The following DCDC1 variants were observed in gnomAD, a reference collection of about 807,000 sequenced individuals.
The protein encoded by DCDC1 is doublecortin domain-containing protein 1.
DCDC1 carries 200 observed loss-of-function variants against 178.3 expected under a neutral mutation model. The observed-to-expected ratio is 1.12, with a 90% confidence interval of 1.00 to 1.26. The LOEUF is 1.26. DCDC1 is among the 50% of genes most tolerant of loss of function. DCDC1 has a pLI of 0.00. For synonymous variants in DCDC1, 690 were observed against 604.8 expected, an observed-to-expected ratio of 1.14 and a Z score of -2.07; for missense variants, 1,983 against 1,749.2, an observed-to-expected ratio of 1.13 and a Z score of -2.38.
At chr11:30,917,882 C>T (rs578217135) in intron 25 of DCDC1, among the ~76,000 whole-genome samples, 2 of 152,226 alleles carry the variant, frequency 1.3e-5, no homozygotes, top group East Asian at 3.9e-4. Context: ...ATTAAATTAC[C>T]AAAATCTTCA....
intron 15 of DCDC1, 147 bp downstream of exon 15, chr11:31,102,030 T>C: frequency 2.3e-6 from 1 of 433,046 alleles, no homozygotes; most frequent in East Asian, 3.3e-5. Flanking sequence ...TGAGCCGAGA[T>C]GGCACCACTG....
chr11:31,092,946 T>C (rs1207665685), intron 16 of DCDC1, among the ~76,000 whole-genome samples: 1 of 152,240 alleles, frequency 6.6e-6, no homozygotes, highest in Non-Finnish European at 1.5e-5. Flanking sequence ...TCTTCTGCTA[T>C]TACTAACCTC....
intron 11 of DCDC1, among the ~76,000 whole-genome samples, chr11:31,119,773 A>C (rs1960527490): frequency 6.6e-6 from 1 of 152,188 alleles, no homozygotes; most frequent in African/African-American, 2.4e-5. Flanking sequence ...TATTCAATGC[A>C]CAGGAAAGTC....
chr11:31,307,761 T>C lies in DCDC1; in HGVS notation c.312A>G (p.Ser104=). 1.2e-6 allele frequency: 2 copies of C among 1,614,168 alleles called. No individual in the cohort carries two copies. The highest frequency in any genetic ancestry group is 1.7e-6 in the Non-Finnish European group (2 of 1,180,010). ...LQDCSTHQTA[S]DHSHDEISDL... is the part of the protein sequence containing the mutation. Reference sequence around the variant, plus strand: ...CTGATATTTCATCATGGCTGTGATCTGATGCTGTTTGATGTGTGGAGCAAT... The same window carrying C: ...CTGATATTTCATCATGGCTGTGATCCGATGCTGTTTGATGTGTGGAGCAAT... Residue 104 remains serine (S), a synonymous_variant, in exon 4 of 39, where the codon TCA becomes TCG. Coordinates refer to ENST00000684477, the MANE Select transcript of DCDC1 (RefSeq NM_001387274.1).
intron 21 of DCDC1, among the ~76,000 whole-genome samples, chr11:30,935,790 G>C (rs1370162808): frequency 1.3e-5 from 2 of 152,152 alleles, no homozygotes; most frequent in African/African-American, 4.8e-5. Context: ...CTGACCTCGT[G>C]ATCCGCCCGC....
intron 15 of DCDC1, among the ~76,000 whole-genome samples, chr11:31,100,316 A>G (rs538416517): frequency 6.6e-6 from 1 of 152,348 alleles, no homozygotes; most frequent in South Asian, 2.1e-4. Context: ...CATTTGCCCT[A>G]CATTCAAGAC....
chr11:31,114,838 G>GAGT lies in DCDC1; in HGVS notation c.1486-4480_1486-4478dup, dbSNP rs545184486. Among the ~76,000 whole-genome samples the GAGT allele has an allele frequency of 6.6e-4, 100 of 152,284 alleles. 4 individuals carry two copies. The South Asian group carries it at 0.019, about 29-fold the overall frequency. Reference sequence around the variant, plus strand: ...AAGGATCATTATGGCTGCTGCCTTGGAGTAGACTGTAGGAGGCAAAGGCAA... The same window carrying GAGT: ...AAGGATCATTATGGCTGCTGCCTTGGAGTAGTAGACTGTAGGAGGCAAAGGCAA... On this transcript the variant is annotated intron_variant, in intron 11 of 38. Transcript: ENST00000684477.
chr11:30,888,060 A>AAGAGAG (rs59618526), intron 36 of DCDC1, among the ~76,000 whole-genome samples: 1 of 73,456 alleles, frequency 1.4e-5, no homozygotes, highest in African/African-American at 6.8e-5. Flanking sequence ...GAAAGAAAGA[A>AAGAGAG]AGAGAGAGAG....
At chr11:31,050,396 A>T (rs1286990419) in intron 20 of DCDC1, among the ~76,000 whole-genome samples, 1 of 151,938 alleles carries the variant, frequency 6.6e-6, no homozygotes, top group Non-Finnish European at 1.5e-5. Context: ...CCCTGCCCCC[A>T]CCTGATGGTC....
intron 6 of DCDC1, among the ~76,000 whole-genome samples, chr11:31,297,349 T>C (rs1342627551): frequency 6.9e-6 from 1 of 145,586 alleles, no homozygotes; most frequent in East Asian, 2.0e-4. Flanking sequence ...TAGGAAAACA[T>C]ACTAGCCATT....
At chr11:31,231,425 A>T (rs1975764593) in intron 9 of DCDC1, among the ~76,000 whole-genome samples, 1 of 152,186 alleles carries the variant, frequency 6.6e-6, no homozygotes, top group African/African-American at 2.4e-5. Context: ...GTGATATGCC[A>T]GAATAGACTC....
intron 6 of DCDC1, among the ~76,000 whole-genome samples, chr11:31,301,761 T>C (rs1948133179): frequency 6.6e-6 from 1 of 152,214 alleles, no homozygotes; most frequent in Admixed American, 6.5e-5. Flanking sequence ...CTGACACTTC[T>C]ACATGAAAAG....
chr11:31,261,146 C>A (rs1365258735), intron 8 of DCDC1, among the ~76,000 whole-genome samples: 9 of 152,064 alleles, frequency 5.9e-5, no homozygotes, highest in Non-Finnish European at 7.4e-5. Flanking sequence ...AAAGGAAGCC[C>A]CACTGGCCCA....
At position 31,094,180 on chromosome 11, in the gene DCDC1, T is replaced by G; in HGVS notation, c.1988A>C (p.Asp663Ala). 1 of 766,124 alleles carries G rather than the reference T, an allele frequency of 1.3e-6. No individual in the cohort carries two copies. The highest frequency in any genetic ancestry group is 2.4e-6 in the Non-Finnish European group (1 of 417,734). 47.5% of individuals were successfully genotyped at this position (766,124 alleles called of 1,614,324 possible). The change falls in exon 16 of 39, where the codon GAT becomes GCT. Residue 663 changes from aspartate to alanine, a missense_variant. Physicochemically the swap from Asp to Ala is moderately radical, Grantham distance 126. Coordinates refer to ENST00000684477, the MANE Select transcript of DCDC1 (RefSeq NM_001387274.1). ...AGAGGCATGAAGGACAATATTGGGA[T>G]CTACCTGTATCATAAGAAGAAGTAT... ...LENHFLQNKV[D>A]PNIVLHASVS... is the part of the protein sequence containing the mutation.
rs1377787177 is a variant in DCDC1 at position 30,900,492 on chromosome 11, G to A, written c.4517C>T (p.Pro1506Leu). ...TAATCTGTTTTTCACTTTCATTCTT[G>A]GATTTTCTGGTGGAAAAAATGACAC... ...QIIVESMEEN[P>L]RMKVKNRLFA... Residue 1506 changes from proline (P) to leucine (L), a missense_variant, in exon 33 of 39, where the codon CCA (proline) becomes CTA (leucine). By Grantham distance (98) the Pro-to-Leu change is moderately conservative. Coordinates refer to ENST00000684477, the MANE Select transcript of DCDC1 (RefSeq NM_001387274.1). 6.6e-7 allele frequency: 1 copy of A among 1,524,568 alleles called. No individual in the cohort carries two copies. The highest frequency in any genetic ancestry group is 8.8e-7 in the Non-Finnish European group (1 of 1,132,214). 94.4% of individuals were successfully genotyped at this position (1,524,568 alleles called of 1,614,324 possible). A position where few individuals can be genotyped will look rare whatever the true frequency, so the allele number is the denominator to read the frequency against.
chr11:31,217,947 T>TTTGGCTA (rs1223341771), intron 9 of DCDC1, among the ~76,000 whole-genome samples: 1 of 152,140 alleles, frequency 6.6e-6, no homozygotes, highest in Non-Finnish European at 1.5e-5. Flanking sequence ...TCCAATCTGT[T>TTTGGCTA]TTGGCTATTG....
intron 38 of DCDC1, among the ~76,000 whole-genome samples, chr11:30,877,951 G>A (rs537994878): frequency 2.6e-5 from 4 of 152,044 alleles, no homozygotes; most frequent in East Asian, 1.9e-4. Context: ...TGGAATGTTC[G>A]ATTATATATA....
At chr11:31,139,288 A>G (rs1963537922) in intron 9 of DCDC1, among the ~76,000 whole-genome samples, 1 of 152,200 alleles carries the variant, frequency 6.6e-6, no homozygotes, top group African/African-American at 2.4e-5. Context: ...TCCCTGCCCT[A>G]GACTGAGAAT....
Position 31,157,686 on chromosome 11 carries a change from G to A in DCDC1, c.1222-19902C>T, listed in dbSNP as rs1037625225. Reference sequence around the variant, plus strand: ...ATGGTGGTTGCCAGGGTTGAGGGCAGGGGCAAATGGAGGCTTAGAACTTAA... The same window carrying A: ...ATGGTGGTTGCCAGGGTTGAGGGCAAGGGCAAATGGAGGCTTAGAACTTAA... On this transcript the variant is annotated intron_variant, in intron 9 of 38. Coordinates refer to ENST00000684477, the MANE Select transcript of DCDC1 (RefSeq NM_001387274.1). 9.9e-5 allele frequency among the ~76,000 whole-genome samples: 15 copies of A among 152,172 alleles called. No individual in the cohort carries two copies. The South Asian group carries it at 1.5e-3, about 15-fold the overall frequency.
Sources: allele counts gnomAD v4.1 joint callset (sites outside exome capture counted in the v4.1 genomes callset), GRCh38; gene constraint gnomAD v4.1.1; transcripts MANE v1.5; gene names NCBI Gene and HGNC (gene_info 2026-07-23, HGNC 2026-07-21).